Variants in CORIN observed in about 807,000 individuals in gnomAD.
CORIN encodes the protein atrial natriuretic peptide-converting enzyme.
Under a neutral mutation model 125.3 loss-of-function variants are expected in CORIN, and 117 were observed. The observed-to-expected ratio is 0.93, with a 90% confidence interval of 0.80 to 1.09. The LOEUF is 1.09. Among genes scored for constraint, CORIN ranks in the 50% least tolerant of loss-of-function variants. The pLI, the probability that CORIN is intolerant of heterozygous loss-of-function variation, is 0.00. For synonymous variants in CORIN, 450 were observed against 466.4 expected (o/e 0.96, Z 0.45); for missense variants, 1,253 against 1,306.7 (o/e 0.96, Z 0.63).
chr4:47,751,224 CCTT>C (rs747512189), intron 4 of CORIN, among the ~76,000 whole-genome samples: 7 of 152,122 alleles, frequency 4.6e-5, no homozygotes, highest in Non-Finnish European at 7.3e-5. Context: ...AATATTAACT[CCTT>C]CTCCACCACT....
intron 9 of CORIN, 45 bp downstream of exon 9, chr4:47,677,893 G>A: frequency 7.6e-7 from 1 of 1,317,404 alleles, no homozygotes; most frequent in African/African-American, 1.4e-5. Flanking sequence ...CCCAAGGAGA[G>A]GACCACCAGT....
intron 2 of CORIN, among the ~76,000 whole-genome samples, chr4:47,805,813 A>G (rs1245417596): frequency 6.6e-6 from 1 of 152,210 alleles, no homozygotes; most frequent in East Asian, 1.9e-4. Flanking sequence ...CCAGTAAGAA[A>G]ATAATAGGGA....
At chr4:47,711,541 T>A (rs920160836) in intron 5 of CORIN, among the ~76,000 whole-genome samples, 8 of 152,196 alleles carry the variant, frequency 5.3e-5, no homozygotes, top group Non-Finnish European at 1.2e-4. Context: ...GACCATAGTC[T>A]AGGGATTGGT....
intron 5 of CORIN, among the ~76,000 whole-genome samples, chr4:47,742,591 C>T (rs1429838494): frequency 6.6e-6 from 1 of 151,774 alleles, no homozygotes; most frequent in Non-Finnish European, 1.5e-5. Context: ...TTTTAAAATG[C>T]CTCATTGAAA....
chr4:47,829,908 C>T (rs2109987998), intron 1 of CORIN, among the ~76,000 whole-genome samples: 1 of 152,266 alleles, frequency 6.6e-6, no homozygotes, highest in East Asian at 1.9e-4. Flanking sequence ...CACAAGTAAA[C>T]CAGGATCTAA....
chr4:47,779,992 C>T (rs1730467967), intron 3 of CORIN, among the ~76,000 whole-genome samples: 1 of 151,956 alleles, frequency 6.6e-6, no homozygotes, highest in African/African-American at 2.4e-5. Context: ...ATGTAGTTCA[C>T]TGAGGGGGAA....
intron 4 of CORIN, among the ~76,000 whole-genome samples, chr4:47,760,229 C>G (rs192085647): frequency 7.9e-5 from 12 of 152,318 alleles, no homozygotes; most frequent in South Asian, 2.1e-4. Flanking sequence ...CAACATTCAT[C>G]TCCTCTTACA....
At chr4:47,811,665 G>A (rs1732069486) in intron 1 of CORIN, among the ~76,000 whole-genome samples, 1 of 152,150 alleles carries the variant, frequency 6.6e-6, no homozygotes, top group Non-Finnish European at 1.5e-5. Context: ...GCGCCCAGCC[G>A]AGGATTATTT....
chr4:47,707,365 A>G (rs1357928421), intron 5 of CORIN, among the ~76,000 whole-genome samples: 1 of 152,248 alleles, frequency 6.6e-6, no homozygotes. Flanking sequence ...TAGACAGAAC[A>G]GGAGGCCAAA....
At chr4:47,797,572 G>A (rs907251133) in intron 2 of CORIN, among the ~76,000 whole-genome samples, 1 of 151,994 alleles carries the variant, frequency 6.6e-6, no homozygotes, top group Non-Finnish European at 1.5e-5. Flanking sequence ...GGATCATGGG[G>A]TTACTATGAC....
chr4:47,626,309 T>C (rs879020591), intron 17 of CORIN, 96 bp downstream of exon 17: 2 of 759,446 alleles, frequency 2.6e-6, no homozygotes, highest in Admixed American at 3.8e-5. Flanking sequence ...TATGACAAAT[T>C]TGGATTATCT....
At chr4:47,771,486 T>C (rs1248660062) in intron 3 of CORIN, among the ~76,000 whole-genome samples, 1 of 152,192 alleles carries the variant, frequency 6.6e-6, no homozygotes, top group African/African-American at 2.4e-5. Flanking sequence ...GCAGGTATAT[T>C]ACATAGATAA....
intron 19 of CORIN, among the ~76,000 whole-genome samples, chr4:47,604,475 G>A (rs903283689): frequency 3.3e-5 from 5 of 152,102 alleles, no homozygotes; most frequent in African/African-American, 1.2e-4. Flanking sequence ...ATGTTCAATG[G>A]TCTATTTAAC....
intron 5 of CORIN, among the ~76,000 whole-genome samples, chr4:47,729,074 T>G (rs746431413): frequency 3.9e-5 from 6 of 152,198 alleles, no homozygotes; most frequent in Non-Finnish European, 7.3e-5. Flanking sequence ...AAAACGATTT[T>G]ATCTGGCACT....
chr4:47,710,564 T>G (rs1183324047), intron 5 of CORIN, among the ~76,000 whole-genome samples: 1 of 152,256 alleles, frequency 6.6e-6, no homozygotes, highest in African/African-American at 2.4e-5. Flanking sequence ...ACAGCCAGGC[T>G]GGCCTCACAG....
At chr4:47,787,026 A>G in intron 2 of CORIN, 101 bp from the exon 3 acceptor site, 1 of 816,756 alleles carries the variant, frequency 1.2e-6, no homozygotes, top group South Asian at 1.9e-5. Flanking sequence ...TACTTTCCCT[A>G]TGTCATTCTA....
intron 4 of CORIN, among the ~76,000 whole-genome samples, chr4:47,760,420 C>T (rs572960825): frequency 6.6e-6 from 1 of 152,118 alleles, no homozygotes; most frequent in African/African-American, 2.4e-5. Context: ...TGTCCTTTCT[C>T]CATTGAGTGT....
chr4:47,779,306 C>T (rs1730433224), intron 3 of CORIN, among the ~76,000 whole-genome samples: 3 of 152,124 alleles, frequency 2.0e-5, no homozygotes, highest in African/African-American at 7.2e-5. Flanking sequence ...AAGAGATTTA[C>T]CAGATTTCAG....
intron 1 of CORIN, among the ~76,000 whole-genome samples, chr4:47,819,268 A>G (rs909677105): frequency 6.6e-6 from 1 of 152,140 alleles, no homozygotes; most frequent in African/African-American, 2.4e-5. Context: ...CAGACCCAAA[A>G]TCTACTCATA....
Sources: gnomAD v4.1 joint callset for allele counts (sites outside exome capture counted in the v4.1 genomes callset) on GRCh38, gnomAD v4.1.1 for gene constraint, MANE v1.5 for transcripts, NCBI Gene and HGNC (gene_info 2026-07-23, HGNC 2026-07-21) for gene names.